Variants in MAMLD1 observed in about 807,000 individuals in gnomAD.
The protein encoded by MAMLD1 is mastermind-like domain-containing protein 1.
In MAMLD1, 14 loss-of-function variants were observed where a neutral mutation model predicts 45.0. The observed-to-expected ratio is 0.31, with a 90% confidence interval of 0.21 to 0.49. MAMLD1 has a LOEUF of 0.49. MAMLD1 is among the 20% of genes least tolerant of loss of function. The pLI is 0.99. For missense variants in MAMLD1, 543 were observed against 603.6 expected (o/e 0.90, Z 1.05); for synonymous variants, 254 against 247.8 (o/e 1.02, Z -0.24).
chrX:150,494,805 G>A (rs1349080877), intron 5 of MAMLD1, among the ~76,000 whole-genome samples: 2 of 111,319 alleles, frequency 1.8e-5, no homozygotes, highest in Non-Finnish European at 3.8e-5. Flanking sequence ...ACCTGAGCCC[G>A]CCAGGGAGGT....
chrX:150,451,198 A>G (rs1198093397), intron 2 of MAMLD1, among the ~76,000 whole-genome samples: 1 of 112,303 alleles, frequency 8.9e-6, no homozygotes, highest in African/African-American at 3.2e-5. Context: ...TGGGAGCATG[A>G]CACTGCCTAT....
intron 1 of MAMLD1, among the ~76,000 whole-genome samples, chrX:150,443,496 G>T (rs1485194890): frequency 9.6e-6 from 1 of 104,380 alleles, no homozygotes; most frequent in Non-Finnish European, 2.0e-5. Flanking sequence ...CCATGCTGGT[G>T]TGCTGCACCC....
chrX:150,387,014 G>A (rs782286554), intron 1 of MAMLD1, among the ~76,000 whole-genome samples: 1 of 110,908 alleles, frequency 9.0e-6, no homozygotes, highest in Non-Finnish European at 1.9e-5. Context: ...TTATGTAAAA[G>A]AGAAGAAAAT....
chrX:150,466,857 C>T (rs995511821), intron 3 of MAMLD1, among the ~76,000 whole-genome samples: 1 of 111,829 alleles, frequency 8.9e-6, no homozygotes, highest in Non-Finnish European at 1.9e-5. Flanking sequence ...ACCTTACTCC[C>T]AGCAGGTTAG....
chrX:150,429,649 A>G lies in MAMLD1; in HGVS notation c.-63-15805A>G, dbSNP rs939121231. ...TTTCTATTCTAAAATATAAATTTTT[A>G]TATATAAATTTTTGATATAAACTTT... On this transcript the variant is annotated intron_variant, in intron 1 of 7. Coordinates refer to ENST00000370401, the MANE Select transcript of MAMLD1 (RefSeq NM_005491.5). Among the ~76,000 whole-genome samples, 3 of 111,702 alleles carry G rather than the reference A, an allele frequency of 2.7e-5. No homozygotes were observed. The East Asian group carries it at 8.3e-4, about 31-fold the overall frequency.
intron 6 of MAMLD1, among the ~76,000 whole-genome samples, chrX:150,508,163 C>T (rs782398113): frequency 3.5e-5 from 4 of 112,740 alleles, no homozygotes; most frequent in East Asian, 2.8e-4. Flanking sequence ...AGAGCCAAAG[C>T]GAAAGGACTG....
At chrX:150,410,477 C>T (rs991615920) in intron 1 of MAMLD1, among the ~76,000 whole-genome samples, 1 of 111,635 alleles carries the variant, frequency 9.0e-6, no homozygotes, top group Admixed American at 9.5e-5. Flanking sequence ...GAGAGACAGA[C>T]AGAAAAACAA....
Position 150,455,421 on chromosome X carries a change from G to A in MAMLD1, c.97-7351G>A, listed in dbSNP as rs782732232. 2.7e-5 allele frequency among the ~76,000 whole-genome samples: 3 copies of A among 112,159 alleles called. No homozygotes were observed. In the South Asian group the frequency reaches 1.1e-3, roughly 42 times the overall value. Reference sequence around the variant, plus strand: ...TCTGCCTTGAATAGCAAATGCTGCTGAGTAAACCATGTTACAGGCTATTTT... The same window carrying A: ...TCTGCCTTGAATAGCAAATGCTGCTAAGTAAACCATGTTACAGGCTATTTT... On this transcript the variant is annotated intron_variant, in intron 2 of 7. Coordinates refer to ENST00000370401, the MANE Select transcript of MAMLD1 (RefSeq NM_005491.5).
intron 1 of MAMLD1, among the ~76,000 whole-genome samples, chrX:150,390,945 G>C (rs945759666): frequency 1.8e-5 from 2 of 111,779 alleles, no homozygotes; most frequent in Admixed American, 1.9e-4. Flanking sequence ...ACATAATTTG[G>C]GGTTGACAGT....
At chrX:150,394,137 T>TC (rs2124500881) in intron 1 of MAMLD1, among the ~76,000 whole-genome samples, 1 of 84,087 alleles carries the variant, frequency 1.2e-5, no homozygotes, top group African/African-American at 4.5e-5. Flanking sequence ...TCCTTTTTTT[T>TC]TTTTTTTTTT....
At chrX:150,364,700 C>T (rs946769419) in intron 1 of MAMLD1, among the ~76,000 whole-genome samples, 1 of 112,892 alleles carries the variant, frequency 8.9e-6, no homozygotes, top group Admixed American at 9.2e-5. Flanking sequence ...GGCTCCGGGA[C>T]ATTGTCTGCA....
intron 1 of MAMLD1, among the ~76,000 whole-genome samples, chrX:150,370,126 T>C (rs1278623563): frequency 1.8e-5 from 2 of 109,333 alleles, no homozygotes; most frequent in Admixed American, 9.9e-5. Context: ...CCAACCCAGA[T>C]GTCACTGGGG....
chrX:150,400,507 G>A (rs1217703570), intron 1 of MAMLD1, among the ~76,000 whole-genome samples: 1 of 111,924 alleles, frequency 8.9e-6, no homozygotes, highest in Non-Finnish European at 1.9e-5. Flanking sequence ...GAATAGGAGT[G>A]GTGAGAGAAG....
chrX:150,501,101 CG>C (rs1433516526), intron 5 of MAMLD1, among the ~76,000 whole-genome samples: 2 of 111,714 alleles, frequency 1.8e-5, no homozygotes, highest in African/African-American at 3.3e-5. Flanking sequence ...TGAGGCACTG[CG>C]TATGTTATGC....
intron 2 of MAMLD1, 73 bp from the exon 3 acceptor site, chrX:150,462,699 C>A: frequency 2.8e-6 from 2 of 703,938 alleles, no homozygotes; most frequent in Non-Finnish European, 4.6e-6. Flanking sequence ...GTGCCTCTCA[C>A]TGAGCTGGTG....
rs1569564901 is a variant in MAMLD1, at chrX:150,470,478, A to T, written c.905A>T (p.His302Leu). The T allele has an allele frequency of 8.3e-7, 1 of 1,211,972 alleles. No homozygotes were observed. The highest frequency in any genetic ancestry group is 1.8e-5 in the South Asian group (1 of 57,002). ...ALPPLPVPQW[H>L]HAHQLKALAA... ...CCCCCCTTACCAGTGCCTCAGTGGC[A>T]TCACGCCCACCAGCTGAAGGCGTTG... is the stretch of plus-strand genomic sequence containing the variant. Residue 302 changes from histidine (H) to leucine (L), a missense_variant, in exon 4 of 8, where the codon CAT (histidine) becomes CTT (leucine). Transcript: ENST00000370401.
At chrX:150,482,175 G>C (rs2036838344) in intron 5 of MAMLD1, among the ~76,000 whole-genome samples, 1 of 112,236 alleles carries the variant, frequency 8.9e-6, no homozygotes, top group African/African-American at 3.2e-5. Flanking sequence ...ATATTATTCA[G>C]CCTTAAAAAG....
intron 2 of MAMLD1, among the ~76,000 whole-genome samples, chrX:150,452,689 T>C (rs1456852902): frequency 9.3e-6 from 1 of 107,403 alleles, no homozygotes; most frequent in Non-Finnish European, 1.9e-5. Context: ...GCCACACTGG[T>C]GCGCTGCACC....
intron 1 of MAMLD1, among the ~76,000 whole-genome samples, chrX:150,366,218 G>T (rs1399107273): frequency 8.9e-6 from 1 of 111,875 alleles, no homozygotes; most frequent in Non-Finnish European, 1.9e-5. Context: ...TTTTATTTGT[G>T]CCTTTTTGCA....
Sources: gnomAD v4.1 joint callset for allele counts (sites outside exome capture counted in the v4.1 genomes callset) on GRCh38, gnomAD v4.1.1 for gene constraint, MANE v1.5 for transcripts, NCBI Gene and HGNC (gene_info 2026-07-23, HGNC 2026-07-21) for gene names.